Variants in PCDH11X observed in about 807,000 individuals in gnomAD.
The protein encoded by PCDH11X is protocadherin 11 X-linked.
Under a neutral mutation model 53.3 loss-of-function variants are expected in PCDH11X, and 18 were observed. That is an observed-to-expected ratio of 0.34 (90% CI 0.23 to 0.50). The LOEUF (loss-of-function observed/expected upper bound fraction) is 0.50. Among genes scored for constraint, PCDH11X ranks in the 20% least tolerant of loss-of-function variants. The pLI, the probability that PCDH11X is intolerant of heterozygous loss-of-function variation, is 0.98. For synonymous variants in PCDH11X, 279 were observed against 393.3 expected (o/e 0.71, Z 3.44); for missense variants, 570 against 1,032.4 (o/e 0.55, Z 6.14).
intron 10 of PCDH11X, among the ~76,000 whole-genome samples, chrX:92,485,474 A>G (rs1319739786): frequency 1.8e-5 from 2 of 111,686 alleles, no homozygotes; most frequent in Non-Finnish European, 3.8e-5. Context: ...CTGAAAGGAC[A>G]TGCAATCTAT....
intron 9 of PCDH11X, among the ~76,000 whole-genome samples, chrX:92,437,291 A>C (rs2072405454): frequency 9.0e-6 from 1 of 111,637 alleles, no homozygotes; most frequent in South Asian, 3.7e-4. Context: ...TATAATTCTA[A>C]CTAAAGATAA....
chrX:91,972,437 A>C (rs778745612), intron 6 of PCDH11X, among the ~76,000 whole-genome samples: 49 of 99,450 alleles, frequency 4.9e-4, no homozygotes, highest in African/African-American at 1.7e-3. Context: ...TGCTGTGCAG[A>C]AGCTCTTTAG....
At chrX:92,124,778 C>T (rs1376528675) in intron 6 of PCDH11X, among the ~76,000 whole-genome samples, 1 of 110,440 alleles carries the variant, frequency 9.1e-6, no homozygotes, top group Non-Finnish European at 1.9e-5. Flanking sequence ...AACTAAAATG[C>T]AGACCAGACA....
chrX:92,201,538 G>A, intron 7 of PCDH11X, 83 bp downstream of exon 7: 1 of 543,034 alleles, frequency 1.8e-6, no homozygotes, highest in East Asian at 4.0e-5. Context: ...CTTAAGTAGT[G>A]TGCATAATGT....
chrX:92,618,182 T>G (rs1602460749), intron 10 of PCDH11X, 82 bp from the exon 11 acceptor site: 1 of 1,132,872 alleles, frequency 8.8e-7, no homozygotes, highest in East Asian at 3.3e-5. Flanking sequence ...TGTTACCTTT[T>G]TTGTCACAAT....
chrX:92,177,538 G>A (rs1199809294), intron 6 of PCDH11X, among the ~76,000 whole-genome samples: 1 of 111,717 alleles, frequency 9.0e-6, no homozygotes, highest in Non-Finnish European at 1.9e-5. Flanking sequence ...GCATGATGGG[G>A]CGATTTTTAA....
intron 10 of PCDH11X, among the ~76,000 whole-genome samples, chrX:92,495,743 C>A (rs760893721): frequency 9.4e-5 from 10 of 106,899 alleles, no homozygotes; most frequent in Admixed American, 3.0e-4. Context: ...AGGCAAAAGG[C>A]ACTTCTTACA....
chrX:92,123,745 A>G (rs1294073354), intron 6 of PCDH11X, among the ~76,000 whole-genome samples: 3 of 106,262 alleles, frequency 2.8e-5, no homozygotes, highest in Non-Finnish European at 3.8e-5. Context: ...GAGTCTCGCA[A>G]ACTTTCATTC....
chrX:92,098,322 C>T (rs2064175868), intron 6 of PCDH11X, among the ~76,000 whole-genome samples: 1 of 111,642 alleles, frequency 9.0e-6, no homozygotes, highest in Non-Finnish European at 1.9e-5. Flanking sequence ...TAGGTAAGCA[C>T]TCACTAAATG....
At chrX:92,416,299 T>TTC in intron 9 of PCDH11X, among the ~76,000 whole-genome samples, 1 of 108,297 alleles carries the variant, frequency 9.2e-6, no homozygotes, top group East Asian at 2.9e-4. Context: ...CTGTACATTT[T>TTC]GAAAAAAACT....
chrX:92,158,605 C>T (rs1001104974), intron 6 of PCDH11X, among the ~76,000 whole-genome samples: 18 of 111,716 alleles, frequency 1.6e-4, no homozygotes, highest in African/African-American at 5.8e-4. Context: ...TTTAAGATTG[C>T]CTGAATGGTA....
intron 7 of PCDH11X, among the ~76,000 whole-genome samples, chrX:92,201,916 A>G (rs2066397884): frequency 8.9e-6 from 1 of 111,767 alleles, no homozygotes; most frequent in African/African-American, 3.3e-5. Flanking sequence ...GTCTGCAGCA[A>G]ACTCTTCCCT....
intron 8 of PCDH11X, among the ~76,000 whole-genome samples, chrX:92,309,524 T>G (rs2068902143): frequency 9.0e-6 from 1 of 111,553 alleles, no homozygotes. Flanking sequence ...GAATTATTGT[T>G]TAATGGCTTT....
chrX:92,485,028 C>T (rs1176740791), intron 10 of PCDH11X, among the ~76,000 whole-genome samples: 1 of 110,097 alleles, frequency 9.1e-6, no homozygotes, highest in Non-Finnish European at 1.9e-5. Context: ...CATTTTCATA[C>T]ATTTATTAAT....
chrX:92,475,088 C>A (rs1343290243), intron 10 of PCDH11X, among the ~76,000 whole-genome samples: 2 of 94,656 alleles, frequency 2.1e-5, no homozygotes, highest in Non-Finnish European at 4.1e-5. Flanking sequence ...TGGCGTGAAC[C>A]CGGGAGGCGG....
intron 6 of PCDH11X, among the ~76,000 whole-genome samples, chrX:91,940,265 C>G (rs755002240): frequency 9.0e-6 from 1 of 111,314 alleles, no homozygotes; most frequent in African/African-American, 3.3e-5. Context: ...GTACAGCCTG[C>G]AGAACCGTAA....
intron 6 of PCDH11X, among the ~76,000 whole-genome samples, chrX:92,146,186 G>A (rs1335222007): frequency 9.0e-6 from 1 of 110,794 alleles, no homozygotes; most frequent in African/African-American, 3.3e-5. Context: ...GAAAGAATGG[G>A]CCAATAAAAA....
intron 10 of PCDH11X, among the ~76,000 whole-genome samples, chrX:92,478,532 G>C (rs757986680): frequency 9.0e-6 from 1 of 110,786 alleles, no homozygotes; most frequent in African/African-American, 3.3e-5. Context: ...CTTTAACACT[G>C]CCTTAGTTGT....
At chrX:92,150,736 T>C (rs767303247) in intron 6 of PCDH11X, among the ~76,000 whole-genome samples, 6 of 111,369 alleles carry the variant, frequency 5.4e-5, no homozygotes, top group East Asian at 5.6e-4. Context: ...TTTATAGTTT[T>C]TCATGTAGAA....
Sources: allele counts gnomAD v4.1 joint callset (sites outside exome capture counted in the v4.1 genomes callset), GRCh38; gene constraint gnomAD v4.1.1; transcripts MANE v1.5; gene names NCBI Gene and HGNC (gene_info 2026-07-23, HGNC 2026-07-21).